The following PTPRN2 variants were observed in gnomAD, a reference collection of about 807,000 sequenced individuals.
PTPRN2 encodes the protein receptor-type tyrosine-protein phosphatase N2.
PTPRN2 carries 74 observed loss-of-function variants against 118.8 expected under a neutral mutation model. The ratio of observed to expected loss-of-function variants is 0.62; its 90% CI spans 0.52 to 0.76. The LOEUF is 0.76. PTPRN2 is among the 30% of genes least tolerant of loss of function. The pLI is 0.00. For synonymous variants in PTPRN2, 641 were observed against 608.0 expected (o/e 1.05, Z -0.80); for missense variants, 1,481 against 1,394.4 (o/e 1.06, Z -0.99).
At chr7:158,004,229 T>C (rs752261447) in intron 11 of PTPRN2, among the ~76,000 whole-genome samples, 2 of 152,152 alleles carry the variant, frequency 1.3e-5, no homozygotes, top group Non-Finnish European at 2.9e-5. Context: ...CTAGGGGCCA[T>C]CCTAGCCTCC....
intron 8 of PTPRN2, 53 bp downstream of exon 8, chr7:158,136,602 G>C: frequency 6.4e-7 from 1 of 1,568,390 alleles, no homozygotes; most frequent in South Asian, 1.1e-5. Flanking sequence ...TGAACAAAAA[G>C]ATCACCAACT....
rs1243691497 is a variant in PTPRN2 at position 157,977,573 on chromosome 7, G to A, written c.1724-78836C>T. ...GGAGTAGTGTACAAGGCCCCAGGTG[G>A]GATGACGTGAGAAGGCCCCAGGTGG... is the stretch of plus-strand genomic sequence containing the variant. On this transcript the variant is annotated intron_variant, in intron 11 of 22. Transcript: ENST00000389418. The surrounding 1 kb of genome is among the most constrained non-coding windows in gnomAD (Gnocchi z 4.6). 6.9e-6 allele frequency among the ~76,000 whole-genome samples: 1 copy of A among 144,084 alleles called. No individual in the cohort carries two copies. Among genetic ancestry groups the A allele is most frequent in the Non-Finnish European group, 1.5e-5 (1 of 67,742 alleles). The allele number at this position is 144,084 out of a possible 152,430, so 94.5% of individuals were successfully genotyped here.
Position 157,596,618 on chromosome 7 carries a change from A to G in PTPRN2, c.2419-1303T>C, listed in dbSNP as rs149540964. ...AGGCCACCCTGCAAAGGACACGAAGATACCAGGACATCACTATCATCCCCA... is the reference window on the plus strand; with the variant it reads ...AGGCCACCCTGCAAAGGACACGAAGGTACCAGGACATCACTATCATCCCCA... On this transcript the variant is annotated intron_variant, in intron 16 of 22. Coordinates refer to ENST00000389418, the MANE Select transcript of PTPRN2 (RefSeq NM_002847.5). The surrounding 1 kb of genome is among the most constrained non-coding windows in gnomAD (Gnocchi z 4.2). Among the ~76,000 whole-genome samples the G allele has an allele frequency of 2.2e-3, 331 of 152,290 alleles. 2 individuals carry two copies. The highest frequency in any genetic ancestry group is 7.7e-3 in the African/African-American group (321 of 41,572).
At chr7:158,473,122 C>T (rs533457749) in intron 2 of PTPRN2, among the ~76,000 whole-genome samples, 17 of 152,344 alleles carry the variant, frequency 1.1e-4, no homozygotes, top group South Asian at 4.1e-4. Context: ...GGTATGGCCA[C>T]GCACAGACAT....
intron 12 of PTPRN2, chr7:157,740,275 A>T (rs1397693009): frequency 5.9e-5 from 9 of 152,306 alleles, no homozygotes; most frequent in Admixed American, 5.9e-4. Flanking sequence ...TGTAGGGCAC[A>T]GAACACTAAC....
intron 1 of PTPRN2, among the ~76,000 whole-genome samples, chr7:158,536,737 A>C (rs1825671436): frequency 6.6e-6 from 1 of 151,708 alleles, no homozygotes; most frequent in Non-Finnish European, 1.5e-5. Flanking sequence ...GGAAGACACA[A>C]GGGCCTTCCC....
intron 2 of PTPRN2, among the ~76,000 whole-genome samples, chr7:158,324,725 G>C (rs1221069672): frequency 1.3e-5 from 2 of 151,950 alleles, no homozygotes; most frequent in Admixed American, 1.3e-4. Context: ...GCCCCCAGAG[G>C]GTCCTGTTGC....
intron 2 of PTPRN2, among the ~76,000 whole-genome samples, chr7:158,450,378 G>A (rs1275877851): frequency 6.6e-6 from 1 of 152,172 alleles, no homozygotes; most frequent in Non-Finnish European, 1.5e-5. Context: ...CACACACACT[G>A]GTGAAACACA....
At chr7:158,392,689 C>T (rs1032432986) in intron 2 of PTPRN2, among the ~76,000 whole-genome samples, 4 of 152,150 alleles carry the variant, frequency 2.6e-5, no homozygotes, top group Non-Finnish European at 4.4e-5. Flanking sequence ...GACACAAAGC[C>T]GGGCCCTGGG....
chr7:158,124,427 G>A (rs545118564), intron 9 of PTPRN2, among the ~76,000 whole-genome samples: 10 of 152,354 alleles, frequency 6.6e-5, no homozygotes, highest in African/African-American at 1.4e-4. Context: ...AAAGGACAGC[G>A]GTGAAGGGAA....
At chr7:157,597,775 G>T (rs995961294) in intron 16 of PTPRN2, among the ~76,000 whole-genome samples, 1 of 152,218 alleles carries the variant, frequency 6.6e-6, no homozygotes, top group Non-Finnish European at 1.5e-5. Context: ...TGCAGACTGA[G>T]TGGGGACCGG....
chr7:157,744,558 A>T (rs903831350), intron 12 of PTPRN2, among the ~76,000 whole-genome samples: 1 of 152,218 alleles, frequency 6.6e-6, no homozygotes, highest in Non-Finnish European at 1.5e-5. Context: ...ACACAAATAG[A>T]GGTATAATAT....
chr7:157,951,400 G>A (rs1047711632), intron 11 of PTPRN2, among the ~76,000 whole-genome samples: 2 of 152,132 alleles, frequency 1.3e-5, no homozygotes, highest in Admixed American at 6.6e-5. Flanking sequence ...TGGGAACAGC[G>A]CCCGGTGCAC....
chr7:158,293,877 T>C (rs1198529366), intron 3 of PTPRN2, among the ~76,000 whole-genome samples: 1 of 152,140 alleles, frequency 6.6e-6, no homozygotes, highest in Non-Finnish European at 1.5e-5. Flanking sequence ...TCAGGGGCAA[T>C]AGCACATGTG....
chr7:158,256,596 G>A (rs1797037732), intron 3 of PTPRN2, among the ~76,000 whole-genome samples: 1 of 152,102 alleles, frequency 6.6e-6, no homozygotes, highest in South Asian at 2.1e-4. Flanking sequence ...GGGAACCTAG[G>A]CAGCTCCCGT....
At chr7:158,037,561 C>T (rs1808174344) in intron 11 of PTPRN2, among the ~76,000 whole-genome samples, 1 of 152,170 alleles carries the variant, frequency 6.6e-6, no homozygotes, top group African/African-American at 2.4e-5. Flanking sequence ...GTATTTGTGT[C>T]TGAACACATC....
intron 1 of PTPRN2, among the ~76,000 whole-genome samples, chr7:158,524,229 G>A (rs1487702897): frequency 1.6e-5 from 1 of 62,006 alleles, no homozygotes; most frequent in East Asian, 7.1e-4. Context: ...ACCCTGGAGT[G>A]GAGTCTGCCC....
At chr7:158,187,782 C>T (rs561167872) in intron 5 of PTPRN2, among the ~76,000 whole-genome samples, 1 of 152,194 alleles carries the variant, frequency 6.6e-6, no homozygotes, top group African/African-American at 2.4e-5. Context: ...TTAATTCAAA[C>T]TGGGACACCT....
intron 12 of PTPRN2, among the ~76,000 whole-genome samples, chr7:157,853,047 T>C (rs527935830): frequency 6.6e-5 from 10 of 152,082 alleles, no homozygotes; most frequent in Non-Finnish European, 1.2e-4. Flanking sequence ...GGAGGGTGGA[T>C]GGTCTCTGGG....
Sources: allele counts gnomAD v4.1 joint callset (sites outside exome capture counted in the v4.1 genomes callset), GRCh38; gene constraint gnomAD v4.1.1; non-coding constraint Gnocchi (gnomAD v3.1); transcripts MANE v1.5; gene names NCBI Gene and HGNC (gene_info 2026-07-23, HGNC 2026-07-21).